Variants in MCTP1 observed in about 807,000 individuals in gnomAD.
The protein encoded by MCTP1 is multiple C2 and transmembrane domain containing 1, also known as multiple C2 and transmembrane domain-containing protein 1.
In MCTP1, 69 loss-of-function variants were observed where a neutral mutation model predicts 120.6. The ratio of observed to expected loss-of-function variants is 0.57; its 90% CI spans 0.47 to 0.70. The LOEUF (loss-of-function observed/expected upper bound fraction) is 0.70, where lower values mean the gene tolerates loss of function less well. MCTP1 is among the 30% of genes least tolerant of loss of function. MCTP1 has a pLI of 0.00. For missense variants in MCTP1, 1,203 were observed against 1,248.8 expected (o/e 0.96, Z 0.55); for synonymous variants, 529 against 493.1 (o/e 1.07, Z -0.96).
At chr5:95,011,297 C>T (rs527575700) in intron 2 of MCTP1, among the ~76,000 whole-genome samples, 6 of 152,192 alleles carry the variant, frequency 3.9e-5, no homozygotes, top group Admixed American at 1.3e-4. Context: ...TTTCAATTCT[C>T]CCTTCCACGT....
rs1487717050 is a variant in MCTP1, at chr5:94,708,594, G to A, written c.2846C>T (p.Thr949Ile). 2 of 1,607,388 alleles carry A rather than the reference G, an allele frequency of 1.2e-6. No individual in the cohort carries two copies. The highest frequency in any genetic ancestry group is 1.7e-6 in the Non-Finnish European group (2 of 1,174,698). ...IVLVWGINKF[T>I]KKLRSPYAID... ...TGCATATGGACTCCGAAGCTTTTTT[G>A]TAAATTTATTGATGCCTGAAACAAA... The change falls in exon 22 of 23, where the codon ACA becomes ATA. Residue 949 changes from threonine to isoleucine, a missense_variant. Physicochemically the swap from Thr to Ile is moderately conservative, Grantham distance 89. Transcript: ENST00000515393.
At chr5:94,897,878 T>C (rs1056236700) in intron 10 of MCTP1, among the ~76,000 whole-genome samples, 1 of 152,180 alleles carries the variant, frequency 6.6e-6, no homozygotes, top group Admixed American at 6.6e-5. Context: ...TCTTTGTGCC[T>C]GGACTTATTT....
At chr5:95,240,149 T>C (rs146169052) in intron 1 of MCTP1, among the ~76,000 whole-genome samples, 22 of 152,348 alleles carry the variant, frequency 1.4e-4, no homozygotes, top group Non-Finnish European at 3.1e-4. Flanking sequence ...TATAGTTAAC[T>C]AGCGAAATCA....
chr5:95,147,456 C>G (rs1290573703), intron 1 of MCTP1, among the ~76,000 whole-genome samples: 1 of 152,054 alleles, frequency 6.6e-6, no homozygotes, highest in Non-Finnish European at 1.5e-5. Context: ...TATGTAATGC[C>G]CTTCTTTGTC....
intron 19 of MCTP1, among the ~76,000 whole-genome samples, chr5:94,725,690 C>G (rs916429356): frequency 2.0e-5 from 3 of 152,128 alleles, no homozygotes; most frequent in African/African-American, 4.8e-5. Context: ...GTAACTGGCT[C>G]TCTTGCTAAG....
chr5:95,068,181 A>G (rs889407310), intron 1 of MCTP1, among the ~76,000 whole-genome samples: 2 of 152,232 alleles, frequency 1.3e-5, no homozygotes, highest in African/African-American at 2.4e-5. Flanking sequence ...AAATGAACCA[A>G]GACACATTTG....
At chr5:94,986,725 G>T (rs1830486300) in intron 2 of MCTP1, among the ~76,000 whole-genome samples, 1 of 152,090 alleles carries the variant, frequency 6.6e-6, no homozygotes, top group African/African-American at 2.4e-5. Context: ...TGGCCAGGCT[G>T]GTCTTGAACT....
chr5:94,784,719 A>G (rs1415405884), intron 18 of MCTP1: 3 of 151,992 alleles, frequency 2.0e-5, no homozygotes, highest in Non-Finnish European at 4.4e-5. Flanking sequence ...TCATCAAGAT[A>G]ACTGAACCAC....
chr5:95,140,803 C>A (rs371348594), intron 1 of MCTP1, among the ~76,000 whole-genome samples: 61 of 141,496 alleles, frequency 4.3e-4, no homozygotes, highest in African/African-American at 1.4e-3. Context: ...TGGCGTGAAC[C>A]CAGGAGGCGG....
At chr5:95,067,160 G>C (rs1031802973) in intron 1 of MCTP1, among the ~76,000 whole-genome samples, 1 of 152,126 alleles carries the variant, frequency 6.6e-6, no homozygotes, top group African/African-American at 2.4e-5. Flanking sequence ...GATCGGAAGA[G>C]GCTGGTTAAT....
chr5:95,024,327 C>T (rs778529410), intron 1 of MCTP1, among the ~76,000 whole-genome samples: 2 of 152,040 alleles, frequency 1.3e-5, no homozygotes, highest in Non-Finnish European at 2.9e-5. Flanking sequence ...ATAAATGTGG[C>T]TCACCATATT....
At chr5:95,068,207 A>G (rs1751169891) in intron 1 of MCTP1, among the ~76,000 whole-genome samples, 1 of 152,180 alleles carries the variant, frequency 6.6e-6, no homozygotes, top group Admixed American at 6.5e-5. Context: ...AAATTTCTCA[A>G]GGGCAAGATA....
At chr5:94,845,561 T>C (rs565053270) in intron 17 of MCTP1, among the ~76,000 whole-genome samples, 2 of 152,154 alleles carry the variant, frequency 1.3e-5, no homozygotes, top group Non-Finnish European at 2.9e-5. Flanking sequence ...TTGTTTGTTT[T>C]TGAGACAGGG....
At chr5:94,987,377 G>A (rs1830610339) in intron 2 of MCTP1, among the ~76,000 whole-genome samples, 1 of 152,150 alleles carries the variant, frequency 6.6e-6, no homozygotes, top group African/African-American at 2.4e-5. Context: ...TGTGCTGGAT[G>A]TCACAGAGAC....
At chr5:94,895,173 T>C (rs1803653198) in intron 10 of MCTP1, among the ~76,000 whole-genome samples, 1 of 152,186 alleles carries the variant, frequency 6.6e-6, no homozygotes, top group Non-Finnish European at 1.5e-5. Flanking sequence ...AAAAATGATG[T>C]GTGCCATCTA....
chr5:94,906,408 C>G (rs1806940954), intron 10 of MCTP1, among the ~76,000 whole-genome samples: 1 of 152,064 alleles, frequency 6.6e-6, no homozygotes, highest in South Asian at 2.1e-4. Flanking sequence ...ATCGCTTGAG[C>G]CCAGGAGGTG....
intron 1 of MCTP1, among the ~76,000 whole-genome samples, chr5:95,174,057 A>C (rs745978621): frequency 6.6e-6 from 1 of 152,230 alleles, no homozygotes; most frequent in Admixed American, 6.5e-5. Context: ...AAGAAGGCCC[A>C]ATATCAAATT....
intron 1 of MCTP1, among the ~76,000 whole-genome samples, chr5:95,054,792 G>A (rs1746933637): frequency 9.8e-6 from 1 of 102,248 alleles, no homozygotes; most frequent in African/African-American, 2.8e-5. Flanking sequence ...AGTGTTTTTT[G>A]TTGTTATTGT....
intron 1 of MCTP1, among the ~76,000 whole-genome samples, chr5:95,220,817 C>G (rs1753603648): frequency 6.6e-6 from 1 of 152,168 alleles, no homozygotes; most frequent in African/African-American, 2.4e-5. Flanking sequence ...GTAACTCCTA[C>G]AAATATACTT....
Sources: allele counts gnomAD v4.1 joint callset (sites outside exome capture counted in the v4.1 genomes callset), GRCh38; gene constraint gnomAD v4.1.1; transcripts MANE v1.5; gene names NCBI Gene and HGNC (gene_info 2026-07-23, HGNC 2026-07-21).